BTBD9: variants seen among roughly 807,000 people sequenced by gnomAD.
BTBD9 encodes BTB/POZ domain-containing protein 9.
A neutral mutation model predicts 64.3 loss-of-function variants in BTBD9; 49 were observed. The observed-to-expected ratio is 0.76, with a 90% CI of 0.61 to 0.97. The LOEUF (loss-of-function observed/expected upper bound fraction) is 0.97, where lower values mean the gene tolerates loss of function less well. Ranked by LOEUF, BTBD9 falls within the 50% of genes least tolerant of loss-of-function variation. The pLI is 0.00. For synonymous variants in BTBD9, 260 were observed against 274.7 expected (o/e 0.95, Z 0.53); for missense variants, 598 against 762.1 (o/e 0.78, Z 2.53).
At chr6:38,612,025 G>A (rs1216928911) in intron 1 of BTBD9, among the ~76,000 whole-genome samples, 1 of 152,054 alleles carries the variant, frequency 6.6e-6, no homozygotes, top group East Asian at 1.9e-4. Context: ...CTATTATCCT[G>A]AGAATCAACA....
At chr6:38,624,424 G>A (rs571230054) in intron 1 of BTBD9, among the ~76,000 whole-genome samples, 3 of 152,168 alleles carry the variant, frequency 2.0e-5, no homozygotes, top group African/African-American at 4.8e-5. Context: ...GCGAAGGTCC[G>A]CGGCTTCATT....
At chr6:38,457,407 G>C (rs576749696) in intron 6 of BTBD9, among the ~76,000 whole-genome samples, 6 of 152,298 alleles carry the variant, frequency 3.9e-5, no homozygotes, top group Admixed American at 1.3e-4. Context: ...GCAGATTGCA[G>C]TAGATGGATT....
At chr6:38,295,970 C>T (rs1582182100) in intron 7 of BTBD9, among the ~76,000 whole-genome samples, 1 of 152,246 alleles carries the variant, frequency 6.6e-6, no homozygotes, top group East Asian at 1.9e-4. Context: ...ATCGCTTGAA[C>T]TTGGGAAGTT....
At chr6:38,259,221 T>C (rs528949651) in intron 8 of BTBD9, among the ~76,000 whole-genome samples, 2 of 152,350 alleles carry the variant, frequency 1.3e-5, no homozygotes, top group South Asian at 4.1e-4. Flanking sequence ...CATATCTGGT[T>C]CACAATTTAC....
chr6:38,439,380 G>A (rs1342416417), intron 6 of BTBD9, among the ~76,000 whole-genome samples: 6 of 151,066 alleles, frequency 4.0e-5, no homozygotes, highest in East Asian at 1.9e-4. Context: ...TGCCTACCTC[G>A]GCCTCCCAAA....
rs1041050518 is a variant in BTBD9, at chr6:38,629,518, G to A, written c.-28+10282C>T. ...ATAACCAGATAAACCTCAAGTGAGA[G>A]ACATACTATTAAAAAAGTAAATAGG... On this transcript the variant is annotated intron_variant, in intron 1 of 10. Coordinates refer to ENST00000481247, the MANE Select transcript of BTBD9 (RefSeq NM_001099272.2). Among the ~76,000 whole-genome samples, 46 of 152,194 alleles carry A rather than the reference G, an allele frequency of 3.0e-4. 1 individual carries two copies. The highest frequency in any genetic ancestry group is 1.1e-3 in the African/African-American group (44 of 41,444).
At chr6:38,401,456 CT>C (rs1434217042) in intron 6 of BTBD9, among the ~76,000 whole-genome samples, 1 of 152,128 alleles carries the variant, frequency 6.6e-6, no homozygotes, top group African/African-American at 2.4e-5. Context: ...ATGTATACAC[CT>C]TTTGTTTACT....
At chr6:38,374,150 T>G (rs1273819250) in intron 6 of BTBD9, among the ~76,000 whole-genome samples, 1 of 149,938 alleles carries the variant, frequency 6.7e-6, no homozygotes, top group Admixed American at 6.7e-5. Context: ...ACGCTTGTAA[T>G]CCCAGTTACT....
At chr6:38,412,090 G>T (rs547387465) in intron 6 of BTBD9, among the ~76,000 whole-genome samples, 1 of 151,722 alleles carries the variant, frequency 6.6e-6, no homozygotes, top group South Asian at 2.1e-4. Context: ...TCATCCAGAT[G>T]CAAAAAGGAA....
chr6:38,260,964 G>A (rs1764767778), intron 8 of BTBD9, among the ~76,000 whole-genome samples: 1 of 151,796 alleles, frequency 6.6e-6, no homozygotes, highest in African/African-American at 2.4e-5. Context: ...TGGAAACAGG[G>A]TTTTGCTTTG....
chr6:38,507,877 A>C (rs1454494532), intron 6 of BTBD9, among the ~76,000 whole-genome samples: 2 of 131,176 alleles, frequency 1.5e-5, no homozygotes, highest in Non-Finnish European at 3.1e-5. Context: ...TCTGTCGCCC[A>C]GGCTGGAGTG....
chr6:38,597,599 T>A (rs146293577), intron 2 of BTBD9, among the ~76,000 whole-genome samples: 101 of 152,262 alleles, frequency 6.6e-4, no homozygotes, highest in African/African-American at 2.4e-3. Flanking sequence ...CCATTAGCCA[T>A]CTACTGGGAG....
At chr6:38,439,298 T>C (rs1005329783) in intron 6 of BTBD9, among the ~76,000 whole-genome samples, 1 of 150,144 alleles carries the variant, frequency 6.7e-6, no homozygotes, top group African/African-American at 2.5e-5. Context: ...TAATTTTTTT[T>C]TGTATTTTCA....
intron 1 of BTBD9, among the ~76,000 whole-genome samples, chr6:38,623,222 T>A (rs1283040187): frequency 6.6e-6 from 1 of 152,184 alleles, no homozygotes; most frequent in Non-Finnish European, 1.5e-5. Context: ...GACAGGCACC[T>A]GCACCTTAGT....
At chr6:38,570,651 A>C (rs1775719908) in intron 6 of BTBD9, among the ~76,000 whole-genome samples, 1 of 152,128 alleles carries the variant, frequency 6.6e-6, no homozygotes, top group African/African-American at 2.4e-5. Context: ...CTCTTTCAAA[A>C]TTCCAAAGGA....
At chr6:38,520,171 C>T (rs1360172826) in intron 6 of BTBD9, among the ~76,000 whole-genome samples, 7 of 151,908 alleles carry the variant, frequency 4.6e-5, no homozygotes, top group Non-Finnish European at 8.8e-5. Context: ...ACAAAATTGT[C>T]GGCCAGGCAC....
chr6:38,504,917 G>A (rs1772395264), intron 6 of BTBD9, among the ~76,000 whole-genome samples: 1 of 152,170 alleles, frequency 6.6e-6, no homozygotes, highest in Admixed American at 6.5e-5. Context: ...CTTGTCTGCT[G>A]TTTCCACCAA....
At chr6:38,178,908 AG>A (rs1277220414) in intron 10 of BTBD9, among the ~76,000 whole-genome samples, 4 of 152,194 alleles carry the variant, frequency 2.6e-5, no homozygotes, top group Admixed American at 2.6e-4. Flanking sequence ...GCTGGGGTGC[AG>A]GGGGGCTATC....
chr6:38,509,505 A>G (rs1171222247), intron 6 of BTBD9, among the ~76,000 whole-genome samples: 1 of 152,198 alleles, frequency 6.6e-6, no homozygotes, highest in African/African-American at 2.4e-5. Context: ...GAAAAACATC[A>G]GCTATTTGAG....
Sources: gnomAD v4.1 joint callset for allele counts (sites outside exome capture counted in the v4.1 genomes callset) on GRCh38, gnomAD v4.1.1 for gene constraint, MANE v1.5 for transcripts, NCBI Gene and HGNC (gene_info 2026-07-23, HGNC 2026-07-21) for gene names.